WWOX: variants seen among roughly 807,000 people sequenced by gnomAD.
WWOX encodes the protein WW domain containing oxidoreductase.
Under a neutral mutation model 46.2 loss-of-function variants are expected in WWOX, and 69 were observed. The observed-to-expected ratio is 1.49, with a 90% CI of 1.23 to 1.82. The LOEUF (loss-of-function observed/expected upper bound fraction) is 1.82. Among genes scored for constraint, WWOX ranks in the 40% most tolerant of loss-of-function variants. The probability of loss-of-function intolerance (pLI) is 0.00; values close to 1 mark genes in which losing one functional copy is unlikely to be tolerated. For synonymous variants in WWOX, 359 were observed against 202.6 expected (o/e 1.77, Z -6.56); for missense variants, 919 against 542.6 (o/e 1.69, Z -6.89).
chr16:78,103,020 C>G (rs1477160681), intron 1 of WWOX, among the ~76,000 whole-genome samples: 1 of 152,174 alleles, frequency 6.6e-6, no homozygotes, highest in Non-Finnish European at 1.5e-5. Flanking sequence ...CTTCTGCTTC[C>G]CTGCAGGCTT....
intron 5 of WWOX, among the ~76,000 whole-genome samples, chr16:78,334,462 C>T (rs1597497105): frequency 1.3e-5 from 2 of 152,204 alleles, no homozygotes; most frequent in East Asian, 3.9e-4. Context: ...ATACAGCAAG[C>T]ACTTTCGGTG....
chr16:78,820,545 T>C (rs2051465282), intron 8 of WWOX, among the ~76,000 whole-genome samples: 1 of 152,150 alleles, frequency 6.6e-6, no homozygotes, highest in East Asian at 1.9e-4. Context: ...GTGGTTTTTA[T>C]TGGGATTAGT....
At chr16:79,033,407 G>A (rs917649066) in intron 8 of WWOX, among the ~76,000 whole-genome samples, 3 of 150,774 alleles carry the variant, frequency 2.0e-5, no homozygotes, top group Admixed American at 6.6e-5. Context: ...TATTTTTTAA[G>A]GCTGCATAGT....
chr16:78,477,233 T>A (rs1008990562), intron 8 of WWOX, among the ~76,000 whole-genome samples: 17 of 152,160 alleles, frequency 1.1e-4, no homozygotes, highest in African/African-American at 3.6e-4. Context: ...AAAATGTATT[T>A]AAGGGGATGA....
intron 5 of WWOX, among the ~76,000 whole-genome samples, chr16:78,316,541 C>T (rs548524721): frequency 3.3e-5 from 5 of 152,084 alleles, no homozygotes; most frequent in Admixed American, 1.3e-4. Flanking sequence ...TGTGGTTTTG[C>T]GGTGTTGGCC....
At chr16:78,482,787 A>G (rs1005435819) in intron 8 of WWOX, among the ~76,000 whole-genome samples, 1 of 152,170 alleles carries the variant, frequency 6.6e-6, no homozygotes, top group Non-Finnish European at 1.5e-5. Context: ...CAACGATAAG[A>G]CGCAGAACGT....
intron 8 of WWOX, among the ~76,000 whole-genome samples, chr16:78,586,947 A>G (rs2045222650): frequency 6.6e-6 from 1 of 152,208 alleles, no homozygotes; most frequent in Non-Finnish European, 1.5e-5. Flanking sequence ...CCTACAAGAT[A>G]TGCCAAGATT....
intron 8 of WWOX, among the ~76,000 whole-genome samples, chr16:78,529,764 GC>G (rs1406101886): frequency 3.9e-5 from 6 of 152,130 alleles, no homozygotes; most frequent in Non-Finnish European, 5.9e-5. Flanking sequence ...ACCATGCCCA[GC>G]CCTCAGAGTG....
chr16:78,432,852 C>G (rs2083257959), intron 8 of WWOX, 100 bp downstream of exon 8: 15 of 1,560,006 alleles, frequency 9.6e-6, no homozygotes, highest in Admixed American at 3.3e-5. Context: ...TGAGTCTGGT[C>G]TCAGTAATAA....
At chr16:78,904,768 A>T (rs1182575529) in intron 8 of WWOX, among the ~76,000 whole-genome samples, 1 of 152,186 alleles carries the variant, frequency 6.6e-6, no homozygotes, top group East Asian at 1.9e-4. Context: ...GTACTTTCTA[A>T]AATTCTCGGG....
chr16:78,262,662 G>A (rs2079271476), intron 5 of WWOX, among the ~76,000 whole-genome samples: 1 of 152,128 alleles, frequency 6.6e-6, no homozygotes, highest in South Asian at 2.1e-4. Context: ...AGGCAAAGGG[G>A]ACAGGACAGG....
chr16:78,585,399 T>C (rs2045171816), intron 8 of WWOX, among the ~76,000 whole-genome samples: 1 of 152,154 alleles, frequency 6.6e-6, no homozygotes, highest in Admixed American at 6.5e-5. Context: ...ATCGGCCACT[T>C]ACTTGTGGGG....
chr16:78,116,660 G>T (rs2151677006), intron 4 of WWOX, among the ~76,000 whole-genome samples: 1 of 152,252 alleles, frequency 6.6e-6, no homozygotes. Flanking sequence ...CCCAATCTAA[G>T]AAGAATACAT....
intron 5 of WWOX, among the ~76,000 whole-genome samples, chr16:78,339,493 C>T (rs2080966822): frequency 8.4e-6 from 1 of 119,628 alleles, no homozygotes; most frequent in Non-Finnish European, 2.0e-5. Context: ...ACATTGTATC[C>T]TGGAAAGTTC....
At chr16:78,997,544 C>G (rs1347601313) in intron 8 of WWOX, among the ~76,000 whole-genome samples, 1 of 152,028 alleles carries the variant, frequency 6.6e-6, no homozygotes, top group East Asian at 1.9e-4. Context: ...TGGCTTTCAC[C>G]TAAACAATAG....
intron 8 of WWOX, among the ~76,000 whole-genome samples, chr16:79,088,478 C>T (rs1567541558): frequency 6.6e-6 from 1 of 152,188 alleles, no homozygotes; most frequent in South Asian, 2.1e-4. Context: ...CAAGGGATAA[C>T]CTCACAGTCA....
chr16:78,621,712 C>T (rs1408518099), intron 8 of WWOX, among the ~76,000 whole-genome samples: 2 of 143,742 alleles, frequency 1.4e-5, no homozygotes, highest in Non-Finnish European at 3.0e-5. Context: ...TCATGCCATT[C>T]TCCTGCCTCA....
At chr16:78,432,168 A>G in intron 7 of WWOX, among the ~76,000 whole-genome samples, 1 of 150,100 alleles carries the variant, frequency 6.7e-6, no homozygotes, top group African/African-American at 2.5e-5. Flanking sequence ...CCCAGGCTGG[A>G]GTGCAGTGGC....
chr16:78,473,014 T>C (rs1233445192), intron 8 of WWOX, among the ~76,000 whole-genome samples: 1 of 152,064 alleles, frequency 6.6e-6, no homozygotes, highest in Non-Finnish European at 1.5e-5. Context: ...CATTTTTAAA[T>C]TGCTGAAAAA....
Sources: gnomAD v4.1 joint callset for allele counts (sites outside exome capture counted in the v4.1 genomes callset) on GRCh38, gnomAD v4.1.1 for gene constraint, MANE v1.5 for transcripts, NCBI Gene and HGNC (gene_info 2026-07-23, HGNC 2026-07-21) for gene names.